Variants in CTNNA2 observed in about 807,000 individuals in gnomAD.
CTNNA2 encodes catenin alpha 2, also known as catenin alpha-2.
In CTNNA2, 42 loss-of-function variants were observed where a neutral mutation model predicts 101.0. The ratio of observed to expected loss-of-function variants is 0.42; its 90% CI spans 0.32 to 0.54. CTNNA2 has a LOEUF of 0.54. CTNNA2 is among the 20% of genes least tolerant of loss of function. The probability of loss-of-function intolerance (pLI) is 0.14; values close to 1 mark genes in which losing one functional copy is unlikely to be tolerated. For synonymous variants in CTNNA2, 450 were observed against 456.4 expected (o/e 0.99, Z 0.18); for missense variants, 871 against 1,223.1 (o/e 0.71, Z 4.29).
intron 7 of CTNNA2, among the ~76,000 whole-genome samples, chr2:80,314,705 A>G (rs561522678): frequency 6.6e-6 from 1 of 152,210 alleles, no homozygotes; most frequent in Non-Finnish European, 1.5e-5. Context: ...TTCTATGTCA[A>G]TGTCTAGCTG....
intron 7 of CTNNA2, among the ~76,000 whole-genome samples, chr2:80,088,120 G>T (rs1250679557): frequency 6.6e-6 from 1 of 151,936 alleles, no homozygotes; most frequent in Non-Finnish European, 1.5e-5. Context: ...CCTAAGTTCA[G>T]AAAAACTCAC....
intron 4 of CTNNA2, among the ~76,000 whole-genome samples, chr2:79,416,697 T>C (rs535975895): frequency 6.6e-6 from 1 of 152,092 alleles, no homozygotes; most frequent in African/African-American, 2.4e-5. Flanking sequence ...GTTAGGGACA[T>C]ATTTAACAGT....
intron 14 of CTNNA2, among the ~76,000 whole-genome samples, chr2:80,588,993 T>A (rs1696209433): frequency 6.6e-6 from 1 of 152,176 alleles, no homozygotes; most frequent in Admixed American, 6.5e-5. Context: ...ATATAAAAAT[T>A]GTCAAGAATA....
chr2:80,095,216 T>C (rs910643989), intron 7 of CTNNA2, among the ~76,000 whole-genome samples: 13 of 152,080 alleles, frequency 8.5e-5, no homozygotes, highest in African/African-American at 2.9e-4. Flanking sequence ...GGCGTGAAGG[T>C]TGTTGAATTT....
At chr2:79,943,984 C>T (rs1688325259) in intron 7 of CTNNA2, among the ~76,000 whole-genome samples, 1 of 152,086 alleles carries the variant, frequency 6.6e-6, no homozygotes, top group Admixed American at 6.6e-5. Context: ...AATGAGTTCA[C>T]CCATTAATTA....
chr2:79,961,031 T>A (rs1181021131), intron 7 of CTNNA2, among the ~76,000 whole-genome samples: 1 of 152,206 alleles, frequency 6.6e-6, no homozygotes, highest in Non-Finnish European at 1.5e-5. Flanking sequence ...AACTTAGATA[T>A]TTCATTATGC....
intron 3 of CTNNA2, among the ~76,000 whole-genome samples, chr2:79,759,948 A>G (rs909129588): frequency 6.6e-6 from 1 of 152,108 alleles, no homozygotes; most frequent in Non-Finnish European, 1.5e-5. Flanking sequence ...CTCACATCCA[A>G]AGCCCTCAGC....
chr2:80,296,167 A>G (rs886136895), intron 7 of CTNNA2, among the ~76,000 whole-genome samples: 14 of 152,188 alleles, frequency 9.2e-5, no homozygotes, highest in Non-Finnish European at 7.3e-5. Flanking sequence ...AAAATGAGGT[A>G]TCTATCACCT....
chr2:79,236,154 A>AT (rs1275046671), intron 2 of CTNNA2, among the ~76,000 whole-genome samples: 1 of 152,160 alleles, frequency 6.6e-6, no homozygotes, highest in Non-Finnish European at 1.5e-5. Context: ...CTTATGAGAA[A>AT]TGGGGTTTTA....
chr2:79,831,636 C>T (rs1262629498), intron 3 of CTNNA2, among the ~76,000 whole-genome samples: 3 of 151,342 alleles, frequency 2.0e-5, no homozygotes, highest in Non-Finnish European at 2.9e-5. Flanking sequence ...AAGATTGTTG[C>T]GAGGTAATTG....
chr2:79,806,361 G>T (rs895730874), intron 3 of CTNNA2, among the ~76,000 whole-genome samples: 1 of 152,176 alleles, frequency 6.6e-6, no homozygotes, highest in Non-Finnish European at 1.5e-5. Flanking sequence ...AGGTGTATGT[G>T]TTCAGACGAC....
At chr2:80,394,447 G>C (rs912604693) in intron 8 of CTNNA2, among the ~76,000 whole-genome samples, 1 of 152,232 alleles carries the variant, frequency 6.6e-6, no homozygotes, top group Admixed American at 6.5e-5. Context: ...CAAACCTTTT[G>C]GGGGAAACAT....
chr2:79,271,040 T>C (rs1462645178), intron 2 of CTNNA2, among the ~76,000 whole-genome samples: 2 of 152,068 alleles, frequency 1.3e-5, no homozygotes, highest in East Asian at 3.9e-4. Context: ...TAGTCTGACT[T>C]TGGAGCCATG....
chr2:79,792,032 A>T (rs1326236878), intron 3 of CTNNA2, among the ~76,000 whole-genome samples: 1 of 152,212 alleles, frequency 6.6e-6, no homozygotes, highest in East Asian at 1.9e-4. Context: ...TATACAATGC[A>T]GTTGTGGATG....
intron 7 of CTNNA2, among the ~76,000 whole-genome samples, chr2:80,076,310 A>C (rs1240791190): frequency 6.7e-6 from 1 of 148,952 alleles, no homozygotes; most frequent in Non-Finnish European, 1.5e-5. Flanking sequence ...ATAGGATCTC[A>C]CTCTGTTGCT....
At chr2:80,008,031 C>T (rs1693499095) in intron 7 of CTNNA2, among the ~76,000 whole-genome samples, 1 of 152,188 alleles carries the variant, frequency 6.6e-6, no homozygotes, top group Non-Finnish European at 1.5e-5. Flanking sequence ...CTGTAAAATT[C>T]TCTAGAACTC....
chr2:80,375,826 G>C lies in CTNNA2; in HGVS notation c.1057-17385G>C, dbSNP rs543697550. ...GATTCACCCGCCTCGGCCTCCCAAA[G>C]TGCTGGGATTACAGGCATGAGCCAC... On this transcript the variant is annotated intron_variant, in intron 7 of 18. Coordinates refer to ENST00000402739, the MANE Select transcript of CTNNA2 (RefSeq NM_001282597.3). 2.0e-5 allele frequency among the ~76,000 whole-genome samples: 3 copies of C among 151,658 alleles called. No homozygotes were observed. The South Asian group carries it at 6.3e-4, about 32-fold the overall frequency.
At chr2:80,010,317 G>GATT (rs538434771) in intron 7 of CTNNA2, among the ~76,000 whole-genome samples, 9 of 151,966 alleles carry the variant, frequency 5.9e-5, no homozygotes, top group East Asian at 1.9e-4. Flanking sequence ...TGTGTTAAGT[G>GATT]ATTATTATTA....
At chr2:79,428,123 C>G (rs901071755) in intron 4 of CTNNA2, among the ~76,000 whole-genome samples, 3 of 151,828 alleles carry the variant, frequency 2.0e-5, no homozygotes, top group Non-Finnish European at 4.4e-5. Context: ...ATTCTGTCTT[C>G]AAAACACCAA....
Sources: gnomAD v4.1 joint callset for allele counts (sites outside exome capture counted in the v4.1 genomes callset) on GRCh38, gnomAD v4.1.1 for gene constraint, MANE v1.5 for transcripts, NCBI Gene and HGNC (gene_info 2026-07-23, HGNC 2026-07-21) for gene names.